RUNDC3B: variants seen among roughly 807,000 people sequenced by gnomAD.
The protein encoded by RUNDC3B is RUN domain containing 3B.
Under a neutral mutation model 58.4 loss-of-function variants are expected in RUNDC3B, and 33 were observed. That is an observed-to-expected ratio of 0.56 (90% CI 0.43 to 0.75). RUNDC3B has a LOEUF of 0.75. Ranked by LOEUF, RUNDC3B falls within the 30% of genes least tolerant of loss-of-function variation. The pLI is 0.00. For synonymous variants in RUNDC3B, 193 were observed against 195.2 expected, an observed-to-expected ratio of 0.99 and a Z score of 0.10; for missense variants, 501 against 535.7, an observed-to-expected ratio of 0.94 and a Z score of 0.64.
intron 6 of RUNDC3B, among the ~76,000 whole-genome samples, chr7:87,755,670 C>T (rs770606792): frequency 1.4e-4 from 21 of 152,238 alleles, no homozygotes; most frequent in East Asian, 9.7e-4. Context: ...AAATTCAACA[C>T]GCCTTTGCAT....
At chr7:87,720,385 T>G (rs906325104) in intron 4 of RUNDC3B, among the ~76,000 whole-genome samples, 2 of 151,784 alleles carry the variant, frequency 1.3e-5, no homozygotes, top group Non-Finnish European at 2.9e-5. Flanking sequence ...ATGTGGAAAA[T>G]GCACTCCCAT....
At chr7:87,732,640 A>T (rs1467889268) in intron 4 of RUNDC3B, among the ~76,000 whole-genome samples, 1 of 152,202 alleles carries the variant, frequency 6.6e-6, no homozygotes, top group Non-Finnish European at 1.5e-5. Flanking sequence ...AGCTGGGTCC[A>T]GGGGGGTCAC....
intron 6 of RUNDC3B, among the ~76,000 whole-genome samples, chr7:87,768,024 G>C (rs571643454): frequency 6.6e-6 from 1 of 152,328 alleles, no homozygotes; most frequent in East Asian, 1.9e-4. Flanking sequence ...TCTATTGCAG[G>C]AATGTTGCCA....
At chr7:87,751,215 C>T (rs1207893521) in intron 6 of RUNDC3B, among the ~76,000 whole-genome samples, 19 of 152,144 alleles carry the variant, frequency 1.2e-4, no homozygotes, top group Admixed American at 8.5e-4. Flanking sequence ...TTTCTGAGGG[C>T]TCTGTTCTGT....
chr7:87,677,389 G>A (rs149332230), intron 2 of RUNDC3B, among the ~76,000 whole-genome samples: 150 of 150,180 alleles, frequency 1.0e-3, no homozygotes, highest in Non-Finnish European at 1.2e-3. Flanking sequence ...GAACCTGGAG[G>A]TCAATAAACT....
At chr7:87,824,241 C>T (rs571349451) in intron 10 of RUNDC3B, among the ~76,000 whole-genome samples, 13 of 152,198 alleles carry the variant, frequency 8.5e-5, no homozygotes, top group East Asian at 3.9e-4. Context: ...GAAGAAATGA[C>T]GTGTCATGTG....
intron 6 of RUNDC3B, among the ~76,000 whole-genome samples, chr7:87,754,817 C>A (rs1833264714): frequency 6.6e-6 from 1 of 151,786 alleles, no homozygotes; most frequent in African/African-American, 2.4e-5. Context: ...AACTAGAAAA[C>A]CTACAGGAGA....
At chr7:87,805,561 A>G (rs1027146664) in intron 8 of RUNDC3B, among the ~76,000 whole-genome samples, 1 of 152,216 alleles carries the variant, frequency 6.6e-6, no homozygotes, top group Non-Finnish European at 1.5e-5. Context: ...TCATTAGGCA[A>G]AAATCTCCGT....
chr7:87,798,389 T>G (rs2130918940), intron 8 of RUNDC3B, among the ~76,000 whole-genome samples: 1 of 152,296 alleles, frequency 6.6e-6, no homozygotes, highest in African/African-American at 2.4e-5. Flanking sequence ...AAACACTTCT[T>G]GTTTGTTTTG....
At chr7:87,719,839 T>C (rs1310593505) in intron 4 of RUNDC3B, among the ~76,000 whole-genome samples, 1 of 151,548 alleles carries the variant, frequency 6.6e-6, no homozygotes, top group Non-Finnish European at 1.5e-5. Flanking sequence ...AAAATAAATG[T>C]AGTATTTACT....
intron 6 of RUNDC3B, among the ~76,000 whole-genome samples, chr7:87,756,356 A>G (rs928380815): frequency 9.2e-5 from 14 of 152,114 alleles, no homozygotes; most frequent in African/African-American, 3.4e-4. Flanking sequence ...TTTTGGAAAA[A>G]AGGCCAAAAA....
At position 87,754,943 on chromosome 7, in the gene RUNDC3B, CAAA is replaced by C. The variant is rs35896180; in HGVS notation, c.629+13380_629+13382del. On this transcript the variant is annotated intron_variant, in intron 6 of 10. Transcript: ENST00000394654. ...AATCAGTAATAAATAGCTTACCAAC[CAAA>C]AAAAAAAAAAAAAAAGCCCAGAACC... 1.4e-3 allele frequency among the ~76,000 whole-genome samples: 101 copies of C among 73,358 alleles called. No homozygotes were observed. The Middle Eastern group carries it at 0.036, about 26-fold the overall frequency. 48.1% of individuals were successfully genotyped at this position (73,358 alleles called of 152,430 possible). A position where few individuals can be genotyped will look rare whatever the true frequency, so the allele number is the denominator to read the frequency against.
chr7:87,710,651 A>T lies in RUNDC3B; in HGVS notation c.454A>T (p.Thr152Ser). The T allele has an allele frequency of 6.4e-7, 1 of 1,559,106 alleles. No individual in the cohort carries two copies. Among genetic ancestry groups the T allele is most frequent in the East Asian group, 2.3e-5 (1 of 44,312 alleles). Residue 152 changes from threonine (T) to serine (S), a missense_variant, in exon 4 of 11, where the codon ACC (threonine) becomes TCC (serine). Thr to Ser is a moderately conservative substitution (Grantham distance 58, BLOSUM62 1). Transcript: ENST00000394654. Reference protein sequence around the residue: ...ISTALRDFKTTRRFYEDGAIV... With the variant: ...ISTALRDFKTSRRFYEDGAIV... ...TACAGCTCTGAGAGACTTCAAAACA[A>T]CCAGGTTTAAAAGTCCTTTTAATTT... is the stretch of plus-strand genomic sequence containing the variant.
rs536618466 is a variant in RUNDC3B, at chr7:87,709,323, G to A, written c.373-1247G>A. 129 of 985,102 alleles carry A rather than the reference G, an allele frequency of 1.3e-4. No individual in the cohort carries two copies. The African/African-American group carries it at 1.8e-3, about 14-fold the overall frequency. The allele number at this position is 985,102 out of a possible 1,614,324, so 61.0% of individuals were successfully genotyped here. A position where few individuals can be genotyped will look rare whatever the true frequency, so the allele number is the denominator to read the frequency against. Reference sequence around the variant, plus strand: ...TTGTAGCCTTTTGATTCAAGACACCGCTACTAGTTTCTGTGTCTTTTAGAT... The same window carrying A: ...TTGTAGCCTTTTGATTCAAGACACCACTACTAGTTTCTGTGTCTTTTAGAT... On this transcript the variant is annotated intron_variant, in intron 3 of 10. Transcript: ENST00000394654.
At chr7:87,687,874 C>T (rs571868960) in intron 2 of RUNDC3B, among the ~76,000 whole-genome samples, 5 of 152,278 alleles carry the variant, frequency 3.3e-5, no homozygotes, top group African/African-American at 1.2e-4. Flanking sequence ...AGTGTAAACA[C>T]TGTTAGAAAC....
chr7:87,722,036 G>A (rs1830932379), intron 4 of RUNDC3B, among the ~76,000 whole-genome samples: 2 of 151,150 alleles, frequency 1.3e-5, no homozygotes, highest in South Asian at 4.2e-4. Flanking sequence ...TGTTCATTCT[G>A]TTTCATCAAC....
intron 3 of RUNDC3B, among the ~76,000 whole-genome samples, chr7:87,710,059 G>T (rs1436513941): frequency 6.6e-6 from 1 of 151,962 alleles, no homozygotes; most frequent in African/African-American, 2.4e-5. Context: ...TCATGATTTG[G>T]ATTCATTATA....
intron 6 of RUNDC3B, among the ~76,000 whole-genome samples, chr7:87,761,127 C>T (rs892318962): frequency 2.0e-5 from 3 of 151,734 alleles, no homozygotes; most frequent in African/African-American, 7.3e-5. Context: ...TACAACTTGG[C>T]AACACAAATA....
At chr7:87,754,036 A>G (rs1329633411) in intron 6 of RUNDC3B, among the ~76,000 whole-genome samples, 1 of 152,230 alleles carries the variant, frequency 6.6e-6, no homozygotes, top group African/African-American at 2.4e-5. Context: ...GACTGCAAGA[A>G]GAAGAGTCTT....
Sources: gnomAD v4.1 joint callset for allele counts (sites outside exome capture counted in the v4.1 genomes callset) on GRCh38, gnomAD v4.1.1 for gene constraint, MANE v1.5 for transcripts, NCBI Gene and HGNC (gene_info 2026-07-23, HGNC 2026-07-21) for gene names.